The following DOCK3 variants were observed in gnomAD, a reference collection of about 807,000 sequenced individuals.
DOCK3 encodes the protein dedicator of cytokinesis protein 3.
In DOCK3, 60 loss-of-function variants were observed where a neutral mutation model predicts 265.6. That is an observed-to-expected ratio of 0.23 (90% CI 0.18 to 0.28). DOCK3 has a LOEUF of 0.28. Ranked by LOEUF, DOCK3 falls within the 10% of genes least tolerant of loss-of-function variation. The probability of loss-of-function intolerance (pLI) is 1.00; values close to 1 mark genes in which losing one functional copy is unlikely to be tolerated. For synonymous variants in DOCK3, 881 were observed against 938.0 expected, an observed-to-expected ratio of 0.94 and a Z score of 1.11; for missense variants, 1,981 against 2,594.3, an observed-to-expected ratio of 0.76 and a Z score of 5.14.
chr3:50,860,311 C>G (rs1306016299), intron 3 of DOCK3, among the ~76,000 whole-genome samples: 1 of 152,160 alleles, frequency 6.6e-6, no homozygotes, highest in Non-Finnish European at 1.5e-5. Context: ...GCCAGAGAGG[C>G]TTTCAGATGC....
At chr3:50,841,224 A>G (rs1488741445) in intron 2 of DOCK3, among the ~76,000 whole-genome samples, 1 of 152,242 alleles carries the variant, frequency 6.6e-6, no homozygotes, top group Non-Finnish European at 1.5e-5. Context: ...CTGCACTAGC[A>G]AGGATGTTGA....
At chr3:51,040,801 A>G (rs1207079932) in intron 5 of DOCK3, among the ~76,000 whole-genome samples, 1 of 152,166 alleles carries the variant, frequency 6.6e-6, no homozygotes, top group Non-Finnish European at 1.5e-5. Flanking sequence ...ATTCTGTCTC[A>G]GGAAACCACT....
chr3:51,239,196 A>G (rs2078481491), intron 21 of DOCK3, among the ~76,000 whole-genome samples: 1 of 28,546 alleles, frequency 3.5e-5, no homozygotes, highest in South Asian at 1.4e-3. Flanking sequence ...GATAAAGCGT[A>G]CTTTTTATTT....
intron 7 of DOCK3, among the ~76,000 whole-genome samples, chr3:51,076,067 A>G (rs1391924037): frequency 6.6e-6 from 1 of 152,186 alleles, no homozygotes; most frequent in Non-Finnish European, 1.5e-5. Context: ...TATTGGTGAG[A>G]TTTATAAGTT....
At chr3:50,910,462 C>T (rs539245931) in intron 4 of DOCK3, among the ~76,000 whole-genome samples, 2 of 152,266 alleles carry the variant, frequency 1.3e-5, no homozygotes, top group South Asian at 4.1e-4. Context: ...TAGCCCAGCA[C>T]AGCCCCAGGA....
intron 12 of DOCK3, among the ~76,000 whole-genome samples, chr3:51,193,284 T>A (rs1272809597): frequency 1.3e-5 from 2 of 152,254 alleles, no homozygotes; most frequent in Non-Finnish European, 2.9e-5. Context: ...TCATAATGTA[T>A]TAACTTTTTG....
intron 9 of DOCK3, among the ~76,000 whole-genome samples, chr3:51,107,958 A>C (rs1000241333): frequency 2.0e-5 from 3 of 152,200 alleles, no homozygotes; most frequent in Admixed American, 6.5e-5. Flanking sequence ...CTCACCTACA[A>C]AGGGAAGCCC....
At chr3:50,850,100 G>A (rs1248934714) in intron 3 of DOCK3, among the ~76,000 whole-genome samples, 1 of 151,610 alleles carries the variant, frequency 6.6e-6, no homozygotes, top group Non-Finnish European at 1.5e-5. Context: ...CTTTGTGTTG[G>A]CTGGGCGTGG....
intron 4 of DOCK3, among the ~76,000 whole-genome samples, chr3:50,926,127 T>G (rs1483404108): frequency 1.3e-5 from 2 of 152,114 alleles, no homozygotes. Context: ...AGCTGGCTTG[T>G]GATATAACCC....
intron 3 of DOCK3, among the ~76,000 whole-genome samples, chr3:50,871,356 G>T (rs2047422698): frequency 6.6e-6 from 1 of 150,834 alleles, no homozygotes. Context: ...TTGCCTGTAA[G>T]GTTTCCATGG....
chr3:50,943,557 G>T (rs903422610), intron 5 of DOCK3, among the ~76,000 whole-genome samples: 10 of 152,024 alleles, frequency 6.6e-5, no homozygotes, highest in African/African-American at 2.4e-4. Flanking sequence ...GGGCTAAGGT[G>T]TTAGATGTTT....
intron 5 of DOCK3, among the ~76,000 whole-genome samples, chr3:50,983,298 G>T (rs149810188): frequency 6.6e-6 from 1 of 152,114 alleles, no homozygotes; most frequent in African/African-American, 2.4e-5. Flanking sequence ...GTGGAAGGGG[G>T]TGGGTCCCTG....
chr3:51,269,135 CTCTA>C (rs2080359620), intron 23 of DOCK3, among the ~76,000 whole-genome samples: 1 of 143,488 alleles, frequency 7.0e-6, no homozygotes, highest in Non-Finnish European at 1.5e-5. Flanking sequence ...CTCTCTCTCT[CTCTA>C]TATATATATA....
chr3:51,337,166 T>C (rs1174268754), intron 35 of DOCK3, among the ~76,000 whole-genome samples: 2 of 152,204 alleles, frequency 1.3e-5, no homozygotes, highest in Non-Finnish European at 2.9e-5. Context: ...GTTCCAAACC[T>C]CTCAAACCTA....
chr3:50,959,859 C>T (rs1056064582), intron 5 of DOCK3, among the ~76,000 whole-genome samples: 7 of 151,992 alleles, frequency 4.6e-5, no homozygotes, highest in South Asian at 2.1e-4. Context: ...GGATTATAGG[C>T]GTGAGCCACC....
intron 21 of DOCK3, among the ~76,000 whole-genome samples, chr3:51,242,987 T>C (rs2108531363): frequency 6.6e-6 from 1 of 152,150 alleles, no homozygotes; most frequent in African/African-American, 2.4e-5. Context: ...GTAGAAGCTA[T>C]GACATGGGGC....
intron 9 of DOCK3, among the ~76,000 whole-genome samples, chr3:51,142,917 T>G (rs1321891003): frequency 1.3e-5 from 2 of 152,036 alleles, no homozygotes; most frequent in Non-Finnish European, 2.9e-5. Context: ...ACGGAGTTTC[T>G]CTCTTGTTGC....
At chr3:51,083,026 T>C (rs1345677328) in intron 7 of DOCK3, among the ~76,000 whole-genome samples, 2 of 152,156 alleles carry the variant, frequency 1.3e-5, no homozygotes, top group African/African-American at 2.4e-5. Flanking sequence ...CCAAGCATGC[T>C]GCCTGGAGGC....
intron 7 of DOCK3, among the ~76,000 whole-genome samples, chr3:51,079,993 A>G (rs2082173296): frequency 6.6e-6 from 1 of 152,210 alleles, no homozygotes; most frequent in Non-Finnish European, 1.5e-5. Context: ...TATTTTTAAT[A>G]GCTCAATGTT....
Sources: gnomAD v4.1 joint callset for allele counts (sites outside exome capture counted in the v4.1 genomes callset) on GRCh38, gnomAD v4.1.1 for gene constraint, MANE v1.5 for transcripts, NCBI Gene and HGNC (gene_info 2026-07-23, HGNC 2026-07-21) for gene names.